CYP7B1: variants seen among roughly 807,000 people sequenced by gnomAD.
CYP7B1 encodes cytochrome P450 7B1.
Under a neutral mutation model 42.7 loss-of-function variants are expected in CYP7B1, and 29 were observed. The ratio of observed to expected loss-of-function variants is 0.68; its 90% CI spans 0.51 to 0.93. CYP7B1 has a LOEUF of 0.93. Ranked by LOEUF, CYP7B1 falls within the 40% of genes least tolerant of loss-of-function variation. CYP7B1 has a pLI of 0.00. For synonymous variants in CYP7B1, 235 were observed against 218.2 expected (o/e 1.08, Z -0.68); for missense variants, 655 against 600.5 (o/e 1.09, Z -0.95).
chr8:64,709,452 A>G (rs1807048357), intron 1 of CYP7B1, among the ~76,000 whole-genome samples: 1 of 152,202 alleles, frequency 6.6e-6, no homozygotes, highest in South Asian at 2.1e-4. Context: ...AGAAGAATTA[A>G]ATATGTATGT....
chr8:64,722,770 T>C (rs970522411), intron 1 of CYP7B1, among the ~76,000 whole-genome samples: 3 of 150,192 alleles, frequency 2.0e-5, no homozygotes, highest in Admixed American at 6.6e-5. Context: ...GAGGTTTTTT[T>C]TTATTATTAT....
intron 1 of CYP7B1, among the ~76,000 whole-genome samples, chr8:64,772,953 CA>C (rs1804261105): frequency 6.6e-6 from 1 of 152,082 alleles, no homozygotes. Context: ...TCACTTTGTC[CA>C]ATTATTTGCT....
intron 1 of CYP7B1, among the ~76,000 whole-genome samples, chr8:64,685,148 T>G (rs1806600392): frequency 1.3e-5 from 2 of 152,184 alleles, no homozygotes; most frequent in Admixed American, 1.3e-4. Flanking sequence ...TAGGCAGTCT[T>G]TGCCGCCCCG....
intron 2 of CYP7B1, among the ~76,000 whole-genome samples, chr8:64,618,673 G>A (rs1805484937): frequency 6.6e-6 from 1 of 151,670 alleles, no homozygotes; most frequent in East Asian, 1.9e-4. Flanking sequence ...ATAAGGGTAT[G>A]GGAAAAAACA....
chr8:64,693,488 G>C (rs1387458153), intron 1 of CYP7B1, among the ~76,000 whole-genome samples: 3 of 152,180 alleles, frequency 2.0e-5, no homozygotes, highest in Admixed American at 2.0e-4. Flanking sequence ...CTGCGCAAGT[G>C]AGATGAAACC....
At position 64,780,519 on chromosome 8, in the gene CYP7B1, T is replaced by C. The variant is rs866608194; in HGVS notation, c.122+17947A>G. Among the ~76,000 whole-genome samples the C allele has an allele frequency of 3.3e-5, 5 of 152,034 alleles. No homozygotes were observed. The South Asian group carries it at 1.0e-3, about 32-fold the overall frequency. On this transcript the variant is annotated intron_variant, in intron 1 of 5. Coordinates refer to ENST00000310193, the MANE Select transcript of CYP7B1 (RefSeq NM_004820.5). Reference sequence around the variant, plus strand: ...ACTTAATTAATCCTTTCCACTTTCCTATATAAAAAAAAGATCCCATCCCAA... The same window carrying C: ...ACTTAATTAATCCTTTCCACTTTCCCATATAAAAAAAAGATCCCATCCCAA...
chr8:64,734,667 A>G (rs1313155648), intron 1 of CYP7B1, among the ~76,000 whole-genome samples: 3 of 152,190 alleles, frequency 2.0e-5, no homozygotes, highest in Admixed American at 6.5e-5. Context: ...TAGTCCTAGT[A>G]TCTAAAACCT....
rs1481551638 is a variant in CYP7B1 at position 64,604,677 on chromosome 8, C to T, written c.1233+5G>A. The T allele has an allele frequency of 1.2e-6, 2 of 1,613,950 alleles. No homozygotes were observed. Among genetic ancestry groups the T allele is most frequent in the Non-Finnish European group, 1.7e-6 (2 of 1,180,024 alleles). ...GTAGCAATCATAGGCTTGATGTTTA[C>T]TTACCTCTGGAGCTTCAAAGATTTC... On this transcript the variant is annotated splice_donor_5th_base_variant and intron_variant, in intron 5 of 5. Coordinates refer to ENST00000310193, the MANE Select transcript of CYP7B1 (RefSeq NM_004820.5).
intron 1 of CYP7B1, among the ~76,000 whole-genome samples, chr8:64,766,432 A>T (rs1334896898): frequency 6.6e-6 from 1 of 152,094 alleles, no homozygotes; most frequent in African/African-American, 2.4e-5. Context: ...CCCAGAGCAA[A>T]ACTTAGAAAC....
intron 1 of CYP7B1, among the ~76,000 whole-genome samples, chr8:64,706,726 T>G (rs1365374464): frequency 6.6e-6 from 1 of 152,008 alleles, no homozygotes; most frequent in Admixed American, 6.6e-5. Flanking sequence ...GAATCACCAC[T>G]GAGAGCAGGA....
chr8:64,656,977 G>A (rs151321586), intron 1 of CYP7B1, among the ~76,000 whole-genome samples: 13 of 151,910 alleles, frequency 8.6e-5, no homozygotes, highest in Admixed American at 3.3e-4. Flanking sequence ...CACACTCCTG[G>A]GCCCAAGGAA....
chr8:64,630,772 T>C (rs191229864), intron 1 of CYP7B1, among the ~76,000 whole-genome samples: 1 of 152,356 alleles, frequency 6.6e-6, no homozygotes, highest in East Asian at 1.9e-4. Context: ...CAAAGTTTCA[T>C]TGGATGTTTG....
At chr8:64,662,330 T>C (rs1399139555) in intron 1 of CYP7B1, among the ~76,000 whole-genome samples, 2 of 152,132 alleles carry the variant, frequency 1.3e-5, no homozygotes, top group Admixed American at 6.5e-5. Flanking sequence ...AGACCGCCTC[T>C]ATAAAAAATG....
At chr8:64,685,989 C>CA (rs1806629865) in intron 1 of CYP7B1, among the ~76,000 whole-genome samples, 1 of 50,546 alleles carries the variant, frequency 2.0e-5, no homozygotes, top group Non-Finnish European at 4.0e-5. Flanking sequence ...TCTGCCCGGC[C>CA]GCCCCTACTG....
At chr8:64,731,519 G>A (rs1007637650) in intron 1 of CYP7B1, among the ~76,000 whole-genome samples, 1 of 152,082 alleles carries the variant, frequency 6.6e-6, no homozygotes, top group Non-Finnish European at 1.5e-5. Context: ...GAGAAAGCAG[G>A]GCATAAAAGT....
intron 1 of CYP7B1, among the ~76,000 whole-genome samples, chr8:64,739,715 C>G (rs1807541400): frequency 1.3e-5 from 2 of 152,120 alleles, no homozygotes; most frequent in South Asian, 4.2e-4. Flanking sequence ...ACAGAAAATT[C>G]AAAGAGCACC....
intron 1 of CYP7B1, among the ~76,000 whole-genome samples, chr8:64,701,804 C>G (rs184058694): frequency 1.9e-4 from 29 of 152,104 alleles, no homozygotes; most frequent in Non-Finnish European, 3.4e-4. Flanking sequence ...AACACACAAA[C>G]TCAAGCTGAT....
At chr8:64,766,895 G>T (rs6988006) in intron 1 of CYP7B1, among the ~76,000 whole-genome samples, 1 of 152,062 alleles carries the variant, frequency 6.6e-6, no homozygotes, top group Non-Finnish European at 1.5e-5. Context: ...CTGGACACTG[G>T]TACAGCCTTC....
rs1655748417 is a variant in CYP7B1, at chr8:64,593,432, A to G, written c.*3210T>C. Among the ~76,000 whole-genome samples, 2 of 152,188 alleles carry G rather than the reference A, an allele frequency of 1.3e-5. No individual in the cohort carries two copies. Among genetic ancestry groups the G allele is most frequent in the African/African-American group, 2.4e-5 (1 of 41,448 alleles). ...GCTCCGGGTAAAAATAAACAAAAAA[A>G]TGAACCCCCAAATGTGTCCCCTGTC... is the stretch of plus-strand genomic sequence containing the variant. On this transcript the variant is annotated 3_prime_UTR_variant, in exon 6 of 6. Coordinates refer to ENST00000310193, the MANE Select transcript of CYP7B1 (RefSeq NM_004820.5).
Sources: allele counts gnomAD v4.1 joint callset (sites outside exome capture counted in the v4.1 genomes callset), GRCh38; gene constraint gnomAD v4.1.1; transcripts MANE v1.5; gene names NCBI Gene and HGNC (gene_info 2026-07-23, HGNC 2026-07-21).